Variants in LAMA4 observed in about 807,000 individuals in gnomAD.
LAMA4 encodes laminin subunit alpha-4.
A neutral mutation model predicts 207.1 loss-of-function variants in LAMA4; 127 were observed. The ratio of observed to expected loss-of-function variants is 0.61; its 90% confidence interval spans 0.53 to 0.71. The LOEUF is 0.71. Among genes scored for constraint, LAMA4 ranks in the 30% least tolerant of loss-of-function variants. LAMA4 has a pLI of 0.00. For synonymous variants in LAMA4, 761 were observed against 816.0 expected (o/e 0.93, Z 1.15); for missense variants, 2,093 against 2,246.5 (o/e 0.93, Z 1.38).
chr6:112,175,272 G>A (rs782751774), intron 11 of LAMA4, 41 bp downstream of exon 11: 69 of 1,602,490 alleles, frequency 4.3e-5, no homozygotes, highest in Non-Finnish European at 5.5e-5. Context: ...CACAAAGAGG[G>A]CAAACATGTG....
intron 28 of LAMA4, among the ~76,000 whole-genome samples, chr6:112,131,786 G>A (rs567359311): frequency 1.3e-5 from 2 of 152,136 alleles, no homozygotes; most frequent in African/African-American, 4.8e-5. Flanking sequence ...CAATTAAATT[G>A]GATATAAATG....
chr6:112,151,591 T>C (rs1780407647), intron 16 of LAMA4, among the ~76,000 whole-genome samples: 1 of 152,118 alleles, frequency 6.6e-6, no homozygotes, highest in African/African-American at 2.4e-5. Flanking sequence ...CAACCTTAGC[T>C]TCTTTTATCA....
chr6:112,171,249 A>G (rs1781692428), intron 12 of LAMA4, among the ~76,000 whole-genome samples: 1 of 149,542 alleles, frequency 6.7e-6, no homozygotes, highest in Admixed American at 6.7e-5. Flanking sequence ...GTTACAACCC[A>G]TGAAACTTAT....
intron 14 of LAMA4, among the ~76,000 whole-genome samples, chr6:112,156,067 T>C (rs1780693690): frequency 6.6e-6 from 1 of 152,202 alleles, no homozygotes; most frequent in South Asian, 2.1e-4. Context: ...ATCAGCATTG[T>C]TATTTCCTTT....
intron 10 of LAMA4, among the ~76,000 whole-genome samples, chr6:112,177,657 G>A (rs1782104545): frequency 6.6e-6 from 1 of 152,188 alleles, no homozygotes; most frequent in South Asian, 2.1e-4. Flanking sequence ...CTTTTCTTCT[G>A]GGTTGGGGCC....
At chr6:112,159,736 C>T (rs1341608818) in intron 13 of LAMA4, among the ~76,000 whole-genome samples, 2 of 152,170 alleles carry the variant, frequency 1.3e-5, no homozygotes, top group African/African-American at 2.4e-5. Flanking sequence ...CTGATGTCTC[C>T]TTTATATGCA....
intron 2 of LAMA4, among the ~76,000 whole-genome samples, chr6:112,242,085 C>T (rs947946953): frequency 6.6e-6 from 1 of 152,206 alleles, no homozygotes; most frequent in Non-Finnish European, 1.5e-5. Flanking sequence ...TGCCTCTGCT[C>T]TACTTCCTTC....
chr6:112,230,356 T>C lies in LAMA4; in HGVS notation c.196-13887A>G, dbSNP rs571548070. Among the ~76,000 whole-genome samples the C allele has an allele frequency of 3.3e-5, 5 of 152,336 alleles. No individual in the cohort carries two copies. In the South Asian group the frequency reaches 6.2e-4, roughly 19 times the overall value. ...ATGTAATTTCCTATAGTTAAGTCCT[T>C]TGGAGACAGCCTGAGGCAGCAGAAA... On this transcript the variant is annotated intron_variant, in intron 2 of 38. Coordinates refer to ENST00000230538, the MANE Select transcript of LAMA4 (RefSeq NM_001105206.3).
intron 11 of LAMA4, among the ~76,000 whole-genome samples, chr6:112,174,302 T>C (rs1781890042): frequency 1.3e-5 from 2 of 152,202 alleles, no homozygotes; most frequent in African/African-American, 4.8e-5. Flanking sequence ...ACTAGCCTTG[T>C]TGAGTTAAGA....
At chr6:112,199,097 T>C (rs1554351378) in intron 5 of LAMA4, among the ~76,000 whole-genome samples, 1 of 152,208 alleles carries the variant, frequency 6.6e-6, no homozygotes, top group African/African-American at 2.4e-5. Context: ...GCAGCAGATC[T>C]GACCCAGCCT....
intron 2 of LAMA4, among the ~76,000 whole-genome samples, chr6:112,240,563 G>C (rs546190787): frequency 6.6e-6 from 1 of 152,090 alleles, no homozygotes; most frequent in African/African-American, 2.4e-5. Flanking sequence ...ACCCTTCCCA[G>C]CTTCTGGTAG....
intron 17 of LAMA4, among the ~76,000 whole-genome samples, chr6:112,149,498 T>C (rs1780244811): frequency 6.6e-6 from 1 of 152,110 alleles, no homozygotes. Context: ...TCTCATGAGA[T>C]CTCGTGGTTT....
intron 33 of LAMA4, among the ~76,000 whole-genome samples, chr6:112,119,632 C>T (rs1447912303): frequency 1.3e-5 from 2 of 152,056 alleles, no homozygotes; most frequent in East Asian, 3.9e-4. Flanking sequence ...TGATCATCTT[C>T]CATTTACCAC....
rs1554331503 is a variant in LAMA4 at position 112,136,187 on chromosome 6, C to G, written c.3350G>C (p.Gly1117Ala). The G allele has an allele frequency of 6.2e-7, 1 of 1,612,660 alleles. No individual in the cohort carries two copies. Among genetic ancestry groups the G allele is most frequent in the Non-Finnish European group, 8.5e-7 (1 of 1,178,770 alleles). ...CGTATCTTCAAGATGCACAGGGCCA[C>G]CGCTGAATCCAAAATCATAGAACAC... is the stretch of plus-strand genomic sequence containing the variant. ...LHVFYDFGFS[G>A]GPVHLEDTLK... Residue 1117 changes from glycine (G) to alanine (A), a missense_variant, in exon 25 of 39, where the codon GGT becomes GCT. Gly to Ala is a moderately conservative substitution (Grantham distance 60). Transcript: ENST00000230538.
At chr6:112,218,037 C>A (rs1307371325) in intron 2 of LAMA4, 1 of 152,118 alleles carries the variant, frequency 6.6e-6, no homozygotes, top group African/African-American at 2.4e-5. Flanking sequence ...AAAAGATTCA[C>A]AAAGTAATAA....
chr6:112,218,240 T>C (rs1163875542), intron 2 of LAMA4: 2 of 152,206 alleles, frequency 1.3e-5, no homozygotes, highest in African/African-American at 4.8e-5. Flanking sequence ...TTCTGAGCTC[T>C]CTAAATGACC....
chr6:112,124,912 A>G (rs1778596710), intron 31 of LAMA4, among the ~76,000 whole-genome samples: 1 of 152,098 alleles, frequency 6.6e-6, no homozygotes, highest in South Asian at 2.1e-4. Context: ...ATGCGCCACC[A>G]TGCCCAGCCA....
chr6:112,239,289 C>T (rs1786186474), intron 2 of LAMA4, among the ~76,000 whole-genome samples: 1 of 145,564 alleles, frequency 6.9e-6, no homozygotes, highest in Non-Finnish European at 1.5e-5. Context: ...TGCTACTGCA[C>T]TCCAGCCAGG....
Position 112,130,142 on chromosome 6 carries a change from C to T in LAMA4, c.3969-102G>A, listed in dbSNP as rs557604774. 35 of 964,662 alleles carry T rather than the reference C, an allele frequency of 3.6e-5. No homozygotes were observed. The South Asian group carries it at 4.5e-4, about 12-fold the overall frequency. The allele number at this position is 964,662 out of a possible 1,614,324, so 59.8% of individuals were successfully genotyped here. A position where few individuals can be genotyped will look rare whatever the true frequency, so the allele number is the denominator to read the frequency against. ...GTTTTCTCATGAAATTGAAATGGAA[C>T]ATGTGGTTAATGAAAAGACAGCGAG... On this transcript the variant is annotated intron_variant, in intron 29 of 38. Transcript: ENST00000230538.
Sources: allele counts gnomAD v4.1 joint callset (sites outside exome capture counted in the v4.1 genomes callset), GRCh38; gene constraint gnomAD v4.1.1; transcripts MANE v1.5; gene names NCBI Gene and HGNC (gene_info 2026-07-23, HGNC 2026-07-21).